Variants in TMEM132B observed in about 807,000 individuals in gnomAD.
TMEM132B encodes transmembrane protein 132B.
In TMEM132B, 18 loss-of-function variants were observed where a neutral mutation model predicts 90.8. The ratio of observed to expected loss-of-function variants is 0.20; its 90% CI spans 0.14 to 0.29. The LOEUF (loss-of-function observed/expected upper bound fraction) is 0.29. Among genes scored for constraint, TMEM132B ranks in the 10% least tolerant of loss-of-function variants. The pLI is 1.00. For missense variants in TMEM132B, 1,096 were observed against 1,326.8 expected, an observed-to-expected ratio of 0.83 and a Z score of 2.70; for synonymous variants, 504 against 523.3, an observed-to-expected ratio of 0.96 and a Z score of 0.50.
intron 3 of TMEM132B, among the ~76,000 whole-genome samples, chr12:125,450,988 T>G (rs144070089): frequency 1.3e-5 from 2 of 152,078 alleles, no homozygotes; most frequent in Non-Finnish European, 2.9e-5. Flanking sequence ...AGTGAGGGTG[T>G]GTATGTGTGT....
chr12:125,477,525 C>G (rs1245504514), intron 3 of TMEM132B, among the ~76,000 whole-genome samples: 1 of 139,240 alleles, frequency 7.2e-6, no homozygotes, highest in Non-Finnish European at 1.6e-5. Flanking sequence ...CCCCAAGAAC[C>G]TAAATTTTTT....
At chr12:125,262,730 A>G (rs1201412153) in intron 1 of TMEM132B, among the ~76,000 whole-genome samples, 2 of 152,248 alleles carry the variant, frequency 1.3e-5, no homozygotes, top group African/African-American at 4.8e-5. Context: ...TTAGAGAACA[A>G]TAGGAGAGAA....
chr12:125,547,070 C>G (rs968819192), intron 4 of TMEM132B, among the ~76,000 whole-genome samples: 2 of 152,140 alleles, frequency 1.3e-5, no homozygotes, highest in Non-Finnish European at 2.9e-5. Flanking sequence ...GGAAACTGCC[C>G]CCATGATTCA....
chr12:125,449,604 C>A (rs1184239071), intron 3 of TMEM132B, among the ~76,000 whole-genome samples: 1 of 150,142 alleles, frequency 6.7e-6, no homozygotes, highest in Non-Finnish European at 1.5e-5. Context: ...TGGTTTTCTC[C>A]TTTCTGTTTA....
chr12:125,188,863 A>G (rs1396634407), intron 1 of TMEM132B, among the ~76,000 whole-genome samples: 2 of 98,436 alleles, frequency 2.0e-5, no homozygotes, highest in South Asian at 7.3e-4. Context: ...AAAAAAAAAA[A>G]AAAAAAAAAA....
At chr12:125,264,740 T>G (rs1398680289) in intron 1 of TMEM132B, among the ~76,000 whole-genome samples, 1 of 152,200 alleles carries the variant, frequency 6.6e-6, no homozygotes, top group Non-Finnish European at 1.5e-5. Flanking sequence ...GTGGCCTAAT[T>G]TGTTTTCTGG....
At chr12:125,403,924 C>T (rs1879390976) in intron 2 of TMEM132B, among the ~76,000 whole-genome samples, 1 of 152,112 alleles carries the variant, frequency 6.6e-6, no homozygotes, top group Admixed American at 6.6e-5. Context: ...TTTAATTTGG[C>T]CAATGAAAAC....
chr12:125,306,420 G>T (rs947808435), intron 1 of TMEM132B, among the ~76,000 whole-genome samples: 1 of 152,076 alleles, frequency 6.6e-6, no homozygotes, highest in African/African-American at 2.4e-5. Context: ...CTACCTGGAC[G>T]TCTCATTGGT....
intron 4 of TMEM132B, among the ~76,000 whole-genome samples, chr12:125,540,972 G>GT (rs1250709896): frequency 1.3e-5 from 2 of 152,188 alleles, no homozygotes; most frequent in African/African-American, 4.8e-5. Context: ...TTTCTCAGAT[G>GT]TGCCATACAT....
At chr12:125,597,873 C>T (rs1362171246) in intron 5 of TMEM132B, among the ~76,000 whole-genome samples, 3 of 152,124 alleles carry the variant, frequency 2.0e-5, no homozygotes, top group African/African-American at 7.2e-5. Flanking sequence ...TGAATCAAGG[C>T]ACATGGAGCT....
At chr12:125,569,017 C>T (rs1421295325) in intron 4 of TMEM132B, among the ~76,000 whole-genome samples, 1 of 152,164 alleles carries the variant, frequency 6.6e-6, no homozygotes, top group Non-Finnish European at 1.5e-5. Context: ...CCCAGCTCAG[C>T]AGCTAACTTG....
rs1256006715 is a variant in TMEM132B, at chr12:125,209,957, C to T, written c.67+23091C>T. ...TCGCTTGGTCATTCATTCATTCATT[C>T]AACAGGTATTAATGCAATGGAGTCT... On this transcript the variant is annotated intron_variant, in intron 1 of 8. Transcript: ENST00000682704. The surrounding 1 kb of genome is among the most constrained non-coding windows in gnomAD (Gnocchi z 4.4). 6.6e-6 allele frequency among the ~76,000 whole-genome samples: 1 copy of T among 152,132 alleles called. No homozygotes were observed. Among genetic ancestry groups the T allele is most frequent in the African/African-American group, 2.4e-5 (1 of 41,434 alleles).
At chr12:125,477,167 G>A (rs1051888896) in intron 3 of TMEM132B, among the ~76,000 whole-genome samples, 4 of 151,998 alleles carry the variant, frequency 2.6e-5, no homozygotes, top group African/African-American at 4.8e-5. Context: ...TATCAACTGC[G>A]CATTTTACTT....
At chr12:125,581,577 T>G (rs2189793) in intron 4 of TMEM132B, among the ~76,000 whole-genome samples, 62,332 of 151,878 alleles carry the variant, frequency 0.41, 16,336 homozygotes, top group African/African-American at 0.74. Context: ...CGCCACCCAG[T>G]CCACATTCAC....
chr12:125,515,500 T>C (rs1277708999), intron 3 of TMEM132B, among the ~76,000 whole-genome samples: 1 of 148,742 alleles, frequency 6.7e-6, no homozygotes, highest in African/African-American at 2.5e-5. Context: ...CACACATACA[T>C]TGACACATTC....
At chr12:125,427,334 G>C (rs981467645) in intron 3 of TMEM132B, among the ~76,000 whole-genome samples, 1 of 152,272 alleles carries the variant, frequency 6.6e-6, no homozygotes, top group South Asian at 2.1e-4. Flanking sequence ...AAAATAGCCA[G>C]TGAAGAAGAT....
At chr12:125,187,418 C>T (rs1469587351) in intron 1 of TMEM132B, among the ~76,000 whole-genome samples, 1 of 152,224 alleles carries the variant, frequency 6.6e-6, no homozygotes, top group Non-Finnish European at 1.5e-5. Flanking sequence ...AGCTACCCAC[C>T]CTCGCCAAAT....
chr12:125,625,353 T>C (rs1317943926), intron 5 of TMEM132B, among the ~76,000 whole-genome samples: 1 of 152,146 alleles, frequency 6.6e-6, no homozygotes, highest in South Asian at 2.1e-4. Flanking sequence ...CAGGATGGTC[T>C]CTATCTCGTG....
At chr12:125,604,146 CAT>C (rs1277829583) in intron 5 of TMEM132B, among the ~76,000 whole-genome samples, 3 of 151,882 alleles carry the variant, frequency 2.0e-5, no homozygotes, top group African/African-American at 7.3e-5. Context: ...CACATGCACA[CAT>C]ATGTTTATTG....
Sources: allele counts gnomAD v4.1 joint callset (sites outside exome capture counted in the v4.1 genomes callset), GRCh38; gene constraint gnomAD v4.1.1; non-coding constraint Gnocchi (gnomAD v3.1); transcripts MANE v1.5; gene names NCBI Gene and HGNC (gene_info 2026-07-23, HGNC 2026-07-21).